PCYT1B: variants seen among roughly 807,000 people sequenced by gnomAD.
The protein encoded by PCYT1B is phosphate cytidylyltransferase 1B, choline.
In PCYT1B, 10 loss-of-function variants were observed where a neutral mutation model predicts 26.4. The ratio of observed to expected loss-of-function variants is 0.38; its 90% CI spans 0.23 to 0.64. The LOEUF (loss-of-function observed/expected upper bound fraction) is 0.64. PCYT1B is among the 30% of genes least tolerant of loss of function. The pLI, the probability that PCYT1B is intolerant of heterozygous loss-of-function variation, is 0.56. For synonymous variants in PCYT1B, 131 were observed against 108.4 expected (o/e 1.21, Z -1.29); for missense variants, 161 against 292.7 (o/e 0.55, Z 3.28).
chrX:24,607,449 C>G lies in PCYT1B; in HGVS notation c.334+296G>C, dbSNP rs780679953. Reference sequence around the variant, plus strand: ...AAAATTTTAGGAACATAATTTGGATCAAGCCTTAAACACTAATAGAAAGGC... The same window carrying G: ...AAAATTTTAGGAACATAATTTGGATGAAGCCTTAAACACTAATAGAAAGGC... On this transcript the variant is annotated intron_variant, in intron 3 of 7. Transcript: ENST00000379144. Among the ~76,000 whole-genome samples the G allele has an allele frequency of 4.4e-5, 5 of 112,382 alleles. No individual in the cohort carries two copies. The South Asian group carries it at 1.8e-3, about 41-fold the overall frequency.
chrX:24,642,475 T>C (rs983782318), intron 1 of PCYT1B, among the ~76,000 whole-genome samples: 7 of 112,584 alleles, frequency 6.2e-5, no homozygotes, highest in Admixed American at 5.7e-4. Context: ...TTATATTTGA[T>C]TTAGGTTTAT....
chrX:24,602,141 A>T (rs1310248083), intron 3 of PCYT1B, among the ~76,000 whole-genome samples: 1 of 112,537 alleles, frequency 8.9e-6, no homozygotes, highest in Non-Finnish European at 1.9e-5. Flanking sequence ...GTACATCCAG[A>T]CAATGGAACA....
upstream of PCYT1B, among the ~76,000 whole-genome samples, chrX:24,647,734 C>A (rs907341217): frequency 9.0e-6 from 1 of 111,642 alleles, no homozygotes; most frequent in African/African-American, 3.3e-5. Flanking sequence ...AGCCCAAATT[C>A]ATTGTGCTAA....
intron 1 of PCYT1B, among the ~76,000 whole-genome samples, chrX:24,622,085 C>T (rs1925718142): frequency 1.8e-5 from 2 of 112,421 alleles, no homozygotes; most frequent in Middle Eastern, 4.6e-3. Flanking sequence ...GCACAGGTGA[C>T]TATCTTTAAC....
intron 1 of PCYT1B, among the ~76,000 whole-genome samples, chrX:24,630,277 T>G (rs148059415): frequency 0.025 from 2,771 of 111,231 alleles, 81 homozygotes; most frequent in African/African-American, 0.084. Context: ...AGAAATATGT[T>G]TTTTGATGTT....
chrX:24,630,503 C>G (rs757766537), intron 1 of PCYT1B, among the ~76,000 whole-genome samples: 92 of 111,406 alleles, frequency 8.3e-4, no homozygotes, highest in Admixed American at 4.6e-3. Flanking sequence ...CACCGTGTCA[C>G]CCAGGATGGT....
intron 6 of PCYT1B, among the ~76,000 whole-genome samples, chrX:24,577,114 C>T (rs61761933): frequency 0.024 from 2,645 of 111,115 alleles, 73 homozygotes; most frequent in African/African-American, 0.08. Flanking sequence ...CCTGAAGGAC[C>T]TTGGCCAGGC....
At chrX:24,580,433 C>T (rs1924170141) in intron 5 of PCYT1B, among the ~76,000 whole-genome samples, 1 of 111,937 alleles carries the variant, frequency 8.9e-6, no homozygotes, top group South Asian at 3.7e-4. Context: ...CTATTTGTGT[C>T]GTCTCTGATC....
rs189929922 is a variant in PCYT1B at position 24,645,229 on chromosome X, G to A, written c.117+1760C>T. 4.8e-4 allele frequency among the ~76,000 whole-genome samples: 54 copies of A among 111,441 alleles called. No individual in the cohort carries two copies. In the East Asian group the frequency reaches 0.01, roughly 22 times the overall value. ...GATGCACAAACTGGAGCTGGATGCC[G>A]CCTTTCTCTCCTCTGCCCTTTACCT... On this transcript the variant is annotated intron_variant, in intron 1 of 7. Coordinates refer to ENST00000379144, the MANE Select transcript of PCYT1B (RefSeq NM_004845.5).
chrX:24,672,202 C>T (rs904439233), intron 1 of PCYT1B, among the ~76,000 whole-genome samples: 7 of 112,058 alleles, frequency 6.2e-5, no homozygotes, highest in Admixed American at 9.5e-5. Context: ...GATTTTGTGA[C>T]GTTTCTACTA....
rs34181498 is a variant in PCYT1B at position 24,598,484 on chromosome X, T to TACAC, written c.335-8314_335-8311dup. On this transcript the variant is annotated intron_variant, in intron 3 of 7. Coordinates refer to ENST00000379144, the MANE Select transcript of PCYT1B (RefSeq NM_004845.5). ...CAAACACTAGAATTTGATATATATA[T>TACAC]ACACACACACACACACACACACACA... Among the ~76,000 whole-genome samples, 269 of 101,018 alleles carry TACAC rather than the reference T, an allele frequency of 2.7e-3. 1 individual carries two copies. The highest frequency in any genetic ancestry group is 5.5e-3 in the South Asian group (12 of 2,175). The allele number at this position is 101,018 out of a possible 115,157, so 87.7% of individuals were successfully genotyped here.
At position 24,562,106 on chromosome X, in the gene PCYT1B, C is replaced by T; in HGVS notation, c.*187G>A. On this transcript the variant is annotated 3_prime_UTR_variant, in exon 8 of 8. Transcript: ENST00000379144. The stretch of plus-strand genomic sequence containing the variant: ...CCAGCTAGAAGTCTCTGCACCTCGC[C>T]CAACTCTTCAGCTGTACGGAGAGTG... 1 of 1,211,081 alleles carries T rather than the reference C, an allele frequency of 8.3e-7. No homozygotes were observed. The highest frequency in any genetic ancestry group is 1.7e-5 in the African/African-American group (1 of 57,786).
chrX:24,658,010 A>T (rs1306880877), intron 1 of PCYT1B: 1 of 111,346 alleles, frequency 9.0e-6, no homozygotes, highest in Non-Finnish European at 1.9e-5. Context: ...GGTGTACCAT[A>T]ACCAGATTTC....
At chrX:24,662,821 C>G (rs756640078) in intron 1 of PCYT1B, among the ~76,000 whole-genome samples, 2 of 112,075 alleles carry the variant, frequency 1.8e-5, no homozygotes, top group South Asian at 3.8e-4. Context: ...TAGAGTCCTT[C>G]TTTTTGGTAT....
intron 1 of PCYT1B, among the ~76,000 whole-genome samples, chrX:24,660,315 C>T (rs1379453986): frequency 8.9e-6 from 1 of 112,011 alleles, no homozygotes; most frequent in Non-Finnish European, 1.9e-5. Context: ...TAAAAACTTT[C>T]AATATCTCCA....
chrX:24,562,314 C>A lies in PCYT1B; in HGVS notation c.1089G>T (p.Glu363Asp). The A allele has an allele frequency of 8.6e-7, 1 of 1,159,736 alleles. No homozygotes were observed. Among genetic ancestry groups the A allele is most frequent in the East Asian group, 3.0e-5 (1 of 33,188 alleles). The stretch of plus-strand genomic sequence containing the variant: ...GCCTCTACTTTTCATCCTCATCCCC[C>A]TCGCTCATGCTGCTGATAGAGGCTG... ...AASASISSMS[E>D]GDEDEK The change falls in exon 8 of 8, where the codon GAG becomes GAT. Residue 363 changes from glutamate (E) to aspartate (D), a missense_variant. Around this residue, in one of 4 missense-constraint regions of PCYT1B, gnomAD observed 38 missense variants for 55.9 expected, o/e 0.68. Coordinates refer to ENST00000379144, the MANE Select transcript of PCYT1B (RefSeq NM_004845.5).
rs7060616 is a variant in PCYT1B, at chrX:24,619,076, A to C, written c.126T>G (p.Thr42=). ...HTCPQPRLTL[T]APAPFADETN... ...TTTCATCAGCAAATGGGGCAGGTGCAGTCAGGGTCTAGAAGGGAGAAAAAG... is the reference window on the plus strand; with the variant it reads ...TTTCATCAGCAAATGGGGCAGGTGCCGTCAGGGTCTAGAAGGGAGAAAAAG... The change falls in exon 2 of 8, where the codon ACT becomes ACG. Residue 42 remains threonine, a synonymous_variant. Transcript: ENST00000379144. 38,733 of 1,187,986 alleles carry C rather than the reference A, an allele frequency of 0.033. 2,780 individuals carry two copies. In the African/African-American group the frequency reaches 0.35, roughly 11 times the overall value.
chrX:24,627,402 C>T (rs904810986), intron 1 of PCYT1B, among the ~76,000 whole-genome samples: 1 of 111,234 alleles, frequency 9.0e-6, no homozygotes, highest in Non-Finnish European at 1.9e-5. Context: ...GGCGCGATCT[C>T]GGCTCACTAC....
At chrX:24,609,397 C>T (rs549769825) in intron 2 of PCYT1B, among the ~76,000 whole-genome samples, 2 of 111,534 alleles carry the variant, frequency 1.8e-5, no homozygotes, top group Non-Finnish European at 3.8e-5. Context: ...TCTTAAACTC[C>T]TGACCTTGTG....
Sources: gnomAD v4.1 joint callset for allele counts (sites outside exome capture counted in the v4.1 genomes callset) on GRCh38, gnomAD v4.1.1 for gene constraint, gnomAD v4.1.1 regional missense constraint, MANE v1.5 for transcripts, NCBI Gene and HGNC (gene_info 2026-07-23, HGNC 2026-07-21) for gene names.